NIN: variants seen among roughly 807,000 people sequenced by gnomAD.
NIN encodes ninein, also known as glycogen synthase kinase 3 beta-interacting protein.
Under a neutral mutation model 257.6 loss-of-function variants are expected in NIN, and 137 were observed. The ratio of observed to expected loss-of-function variants is 0.53; its 90% CI spans 0.46 to 0.61. NIN has a LOEUF of 0.61. NIN is among the 20% of genes least tolerant of loss of function. NIN has a pLI of 0.00. For missense variants in NIN, 2,439 were observed against 2,501.2 expected (o/e 0.98, Z 0.53); for synonymous variants, 918 against 919.8 (o/e 1.00, Z 0.04).
At chr14:50,813,241 A>G (rs1043878927) in intron 3 of NIN, among the ~76,000 whole-genome samples, 1 of 152,258 alleles carries the variant, frequency 6.6e-6, no homozygotes, top group Admixed American at 6.5e-5. Flanking sequence ...GTTAAAAAGT[A>G]GAAATCTTCA....
intron 28 of NIN, 116 bp downstream of exon 28, chr14:50,735,400 G>A: frequency 6.5e-6 from 9 of 1,387,350 alleles, no homozygotes; most frequent in Non-Finnish European, 8.6e-6. Flanking sequence ...CAACTTGGCA[G>A]TGTACTTAGA....
In NIN at chr14:50,760,182, C is replaced by T. The variant is rs1348783014; in HGVS notation, c.2074G>A (p.Glu692Lys). ...TCCTCCTCATGCCTGCAAGTGGCCT[C>T]ATGATGTGCCTCCTTGAGCACTGCT... ...QAAVLKEAHH[E>K]ATCRHEEEKK... is the part of the protein sequence containing the mutation. The change falls in exon 17 of 31, where the codon GAG becomes AAG. Residue 692 changes from glutamate to lysine, a missense_variant. Glu to Lys is a moderately conservative substitution (Grantham distance 56, BLOSUM62 1). This residue lies in a region of NIN where 2,043 missense variants were observed against 2,050.2 expected (regional missense o/e 1.00). Transcript: ENST00000530997. The T allele has an allele frequency of 1.2e-6, 2 of 1,614,126 alleles. No homozygotes were observed. The highest frequency in any genetic ancestry group is 1.7e-5 in the Admixed American group (1 of 60,034).
chr14:50,752,358 T>C (rs1386518438), intron 21 of NIN, among the ~76,000 whole-genome samples, 160 bp downstream of exon 21: 3 of 152,232 alleles, frequency 2.0e-5, no homozygotes, highest in Non-Finnish European at 4.4e-5. Context: ...TTGGGTCTAA[T>C]TCTAGACTTT....
chr14:50,808,639 C>T (rs1240981954), intron 3 of NIN, among the ~76,000 whole-genome samples: 1 of 152,192 alleles, frequency 6.6e-6, no homozygotes, highest in African/African-American at 2.4e-5. Flanking sequence ...CTATGCCAGG[C>T]ATTGTACTTG....
At position 50,770,882 on chromosome 14, in the gene NIN, G is replaced by A. The variant is rs1296586880; in HGVS notation, c.1229C>T (p.Ala410Val). The A allele has an allele frequency of 1.2e-6, 2 of 1,613,998 alleles. No individual in the cohort carries two copies. Among genetic ancestry groups the A allele is most frequent in the Non-Finnish European group, 1.7e-6 (2 of 1,180,028 alleles). Residue 410 changes from alanine (A) to valine (V), a missense_variant, in exon 11 of 31, where the codon GCC becomes GTC. By Grantham distance (64) the Ala-to-Val change is moderately conservative. This residue lies in a region of NIN where 2,043 missense variants were observed against 2,050.2 expected (regional missense o/e 1.00). Coordinates refer to ENST00000530997, the MANE Select transcript of NIN (RefSeq NM_020921.4). ...MASEVDDHHA[A>V]IERRNEYNLR... Reference sequence around the variant, plus strand: ...GTTGTACTCATTCCGCCGCTCTATGGCCGCATGGTGATCATCCACCTCCGA... The same window carrying A: ...GTTGTACTCATTCCGCCGCTCTATGACCGCATGGTGATCATCCACCTCCGA...
chr14:50,817,977 A>G (rs947483591), intron 3 of NIN, among the ~76,000 whole-genome samples: 1 of 150,894 alleles, frequency 6.6e-6, no homozygotes, highest in Non-Finnish European at 1.5e-5. Context: ...CGGCCTCCCA[A>G]AGTGCTAGGA....
chr14:50,737,495 C>CAAAAAAAAA (rs58386910), intron 27 of NIN, among the ~76,000 whole-genome samples: 2 of 54,464 alleles, frequency 3.7e-5, no homozygotes, highest in African/African-American at 5.7e-5. Flanking sequence ...TGTTACATAG[C>CAAAAAAAAA]AAAAAAAAAA....
intron 3 of NIN, among the ~76,000 whole-genome samples, chr14:50,813,434 CAT>C (rs1292750708): frequency 1.3e-5 from 2 of 152,164 alleles, no homozygotes; most frequent in Non-Finnish European, 1.5e-5. Flanking sequence ...GAAAAATACA[CAT>C]GACATTTAAA....
At position 50,759,721 on chromosome 14, in the gene NIN, C is replaced by G. The variant is rs12892462; in HGVS notation, c.2399+136G>C. The stretch of plus-strand genomic sequence containing the variant: ...TGTTAGCCAGGTCTCGATCTCCTGA[C>G]CTCGTGATCCGCCCACCTCGGCCTC... On this transcript the variant is annotated intron_variant, in intron 17 of 30. Transcript: ENST00000530997. 0.33 allele frequency: 282,396 copies of G among 854,902 alleles called. 49,149 individuals are homozygous for G. Among genetic ancestry groups the G allele is most frequent in the East Asian group, 0.53 (21,402 of 40,004 alleles). 53.0% of individuals were successfully genotyped at this position (854,902 alleles called of 1,614,324 possible).
At chr14:50,760,436 GCTT>G in intron 16 of NIN, 77 bp from the exon 17 acceptor site, 6 of 544,216 alleles carry the variant, frequency 1.1e-5, no homozygotes, top group Non-Finnish European at 1.4e-5. Flanking sequence ...AGCAGCAATT[GCTT>G]TTTTTTTTTT....
chr14:50,762,980 C>G (rs1342045064), intron 15 of NIN, among the ~76,000 whole-genome samples: 1 of 152,130 alleles, frequency 6.6e-6, no homozygotes, highest in Non-Finnish European at 1.5e-5. Flanking sequence ...TCCATAACAG[C>G]TGCCGAGATA....
chr14:50,725,442 T>G (rs757315104), intron 30 of NIN, among the ~76,000 whole-genome samples: 2 of 152,144 alleles, frequency 1.3e-5, no homozygotes, highest in African/African-American at 2.4e-5. Context: ...GTACATCTTT[T>G]TGGAGTCTAG....
Position 50,722,651 on chromosome 14 carries a change from A to G in NIN, c.*812T>C. On this transcript the variant is annotated 3_prime_UTR_variant, in exon 31 of 31. Transcript: ENST00000530997. Reference sequence around the variant, plus strand: ...CATGGTCTGCTTATCCCTCTTTTCTAAGAGTAGCTATTTACTCCAAAGTGG... The same window carrying G: ...CATGGTCTGCTTATCCCTCTTTTCTGAGAGTAGCTATTTACTCCAAAGTGG... The G allele has an allele frequency of 4.6e-6, 1 of 216,036 alleles. No individual in the cohort carries two copies. Among genetic ancestry groups the G allele is most frequent in the Non-Finnish European group, 9.4e-6 (1 of 106,748 alleles). 13.4% of individuals were successfully genotyped at this position (216,036 alleles called of 1,614,324 possible).
chr14:50,772,183 T>C, intron 9 of NIN, 118 bp downstream of exon 9: 1 of 964,432 alleles, frequency 1.0e-6, no homozygotes, highest in Non-Finnish European at 1.5e-6. Flanking sequence ...CTTTGAGACT[T>C]TGTGAACAGA....
At position 50,761,777 on chromosome 14, in the gene NIN, G is replaced by A. The variant is rs748681027; in HGVS notation, c.1896+13C>T. 5 of 1,613,784 alleles carry A rather than the reference G, an allele frequency of 3.1e-6. No homozygotes were observed. The highest frequency in any genetic ancestry group is 4.5e-5 in the East Asian group (2 of 44,872). ...AAAGAAATTAGAGAAGTGGATTGGT[G>A]GGAAGGACTTACTTTATCTTCGAGC... On this transcript the variant is annotated intron_variant, in intron 16 of 30. Transcript: ENST00000530997.
At chr14:50,723,820 T>C (rs926818917) in intron 30 of NIN, 148 bp from the exon 31 acceptor site, 4 of 655,754 alleles carry the variant, frequency 6.1e-6, no homozygotes, top group Non-Finnish European at 1.0e-5. Flanking sequence ...AGCTTTAACA[T>C]CAGACTTGGC....
intron 3 of NIN, among the ~76,000 whole-genome samples, chr14:50,817,905 A>G (rs1365783853): frequency 6.6e-6 from 1 of 152,066 alleles, no homozygotes; most frequent in Non-Finnish European, 1.5e-5. Flanking sequence ...TAGCAGAGAC[A>G]GGGTTTCACA....
chr14:50,738,719 C>T (rs2041125565), intron 26 of NIN, among the ~76,000 whole-genome samples: 1 of 152,202 alleles, frequency 6.6e-6, no homozygotes, highest in South Asian at 2.1e-4. Flanking sequence ...GTCTGTCTTG[C>T]TCACCACTGC....
chr14:50,778,119 T>G (rs548420769), intron 6 of NIN, among the ~76,000 whole-genome samples: 13 of 152,358 alleles, frequency 8.5e-5, no homozygotes, highest in Admixed American at 4.6e-4. Context: ...TTCTGATGCT[T>G]CTTAAATACA....
Sources: allele counts gnomAD v4.1 joint callset (sites outside exome capture counted in the v4.1 genomes callset), GRCh38; gene constraint gnomAD v4.1.1; regional missense constraint gnomAD v4.1.1; transcripts MANE v1.5; gene names NCBI Gene and HGNC (gene_info 2026-07-23, HGNC 2026-07-21).